The following HERC1 variants were observed in gnomAD, a reference collection of about 807,000 sequenced individuals.
The protein encoded by HERC1 is probable E3 ubiquitin-protein ligase HERC1.
A neutral mutation model predicts 554.3 loss-of-function variants in HERC1; 160 were observed. The ratio of observed to expected loss-of-function variants is 0.29; its 90% CI spans 0.25 to 0.33. The LOEUF (loss-of-function observed/expected upper bound fraction) is 0.33, where lower values mean the gene tolerates loss of function less well. Among genes scored for constraint, HERC1 ranks in the 10% least tolerant of loss-of-function variants. HERC1 has a pLI of 1.00. For synonymous variants in HERC1, 2,175 were observed against 2,131.7 expected (o/e 1.02, Z -0.56); for missense variants, 4,919 against 5,918.5 (o/e 0.83, Z 5.54).
chr15:63,679,958 T>G (rs1256821719), intron 36 of HERC1, 119 bp downstream of exon 36: 1 of 580,944 alleles, frequency 1.7e-6, no homozygotes, highest in African/African-American at 1.9e-5. Flanking sequence ...GAAGAATGGA[T>G]TACCTAAGTC....
chr15:63,614,568 G>A (rs936615700), intron 76 of HERC1, among the ~76,000 whole-genome samples: 1 of 152,196 alleles, frequency 6.6e-6, no homozygotes, highest in Non-Finnish European at 1.5e-5. Context: ...CTAAGAAGGA[G>A]CTGGGAGTGA....
In HERC1 at chr15:63,641,497, C is replaced by A. The variant is rs1398233215; in HGVS notation, c.11580G>T (p.Met3860Ile). 1.9e-6 allele frequency: 3 copies of A among 1,613,024 alleles called. No homozygotes were observed. The African/African-American group carries it at 4.0e-5, about 22-fold the overall frequency. Residue 3860 changes from methionine (M) to isoleucine (I), a missense_variant, in exon 60 of 78, where the codon ATG becomes ATT. Met to Ile is a conservative substitution (Grantham distance 10). This residue lies in a region of HERC1 where 1,963 missense variants were observed against 2,228.6 expected (regional missense o/e 0.88). Coordinates refer to ENST00000443617, the MANE Select transcript of HERC1 (RefSeq NM_003922.4). Reference protein sequence around the residue: ...MRAFLERLPMMLQEQYAYEKP... With the variant: ...MRAFLERLPMILQEQYAYEKP... ...TTTCATAGGCATACTGCTCCTGAAG[C>A]ATCATGGGGAGCCGCTCCAAAAATG...
chr15:63,672,443 C>T (rs2152971148), intron 39 of HERC1, 53 bp downstream of exon 39: 2 of 1,309,674 alleles, frequency 1.5e-6, no homozygotes, highest in Non-Finnish European at 2.1e-6. Context: ...GACAACTGTG[C>T]CTTCAGAAAC....
At chr15:63,636,602 C>G (rs186139111) in intron 64 of HERC1, among the ~76,000 whole-genome samples, 2 of 152,150 alleles carry the variant, frequency 1.3e-5, no homozygotes, top group African/African-American at 4.8e-5. Context: ...GAATTTGTAG[C>G]CATAACCTAG....
intron 1 of HERC1, among the ~76,000 whole-genome samples, chr15:63,811,803 C>A (rs1300211265): frequency 8.0e-6 from 1 of 124,932 alleles, no homozygotes. Context: ...AGTGAGACTC[C>A]GTCTCCAAAA....
chr15:63,753,787 A>G (rs1186643321), intron 7 of HERC1, among the ~76,000 whole-genome samples: 1 of 152,182 alleles, frequency 6.6e-6, no homozygotes, highest in Non-Finnish European at 1.5e-5. Flanking sequence ...ACTCAACAAT[A>G]AGAAACTGGT....
At position 63,824,312 on chromosome 15, in the gene HERC1, T is replaced by C. The variant is rs2077808882; in HGVS notation, c.-27+9515A>G. On this transcript the variant is annotated intron_variant, in intron 1 of 77. Transcript: ENST00000443617. ...ACTTTGGGAGGCCGAGGTGGGCAGA[T>C]CACAAGGTCAGGAGATGGAGACCAT... 2.0e-5 allele frequency among the ~76,000 whole-genome samples: 3 copies of C among 152,012 alleles called. No individual in the cohort carries two copies. The East Asian group carries it at 5.8e-4, about 29-fold the overall frequency.
chr15:63,718,217 G>T lies in HERC1; in HGVS notation c.3978+357C>A, dbSNP rs979988478. 1.3e-5 allele frequency among the ~76,000 whole-genome samples: 2 copies of T among 151,660 alleles called. No homozygotes were observed. Among genetic ancestry groups the T allele is most frequent in the African/African-American group, 2.4e-5 (1 of 41,222 alleles). On this transcript the variant is annotated intron_variant, in intron 21 of 77. Transcript: ENST00000443617. The surrounding 1 kb of genome is among the most constrained non-coding windows in gnomAD (Gnocchi z 4.2). Reference sequence around the variant, plus strand: ...AATTTTTGGACTTTATCAATCCAAGGTATTGCTTAATGTCCCTCATAAATT... The same window carrying T: ...AATTTTTGGACTTTATCAATCCAAGTTATTGCTTAATGTCCCTCATAAATT...
chr15:63,763,971 G>GT (rs1253691096), intron 3 of HERC1, 125 bp downstream of exon 3: 3 of 454,090 alleles, frequency 6.6e-6, no homozygotes, highest in Non-Finnish European at 1.2e-5. Flanking sequence ...CTCTCTAGAG[G>GT]TAACAACTGG....
At chr15:63,725,916 T>C (rs1214376367) in intron 17 of HERC1, among the ~76,000 whole-genome samples, 3 of 152,138 alleles carry the variant, frequency 2.0e-5, no homozygotes, top group Non-Finnish European at 4.4e-5. Context: ...TTAATGCTTT[T>C]TAAGGCCTGA....
Position 63,645,489 on chromosome 15 carries a change from A to G in HERC1, c.11072T>C (p.Met3691Thr), listed in dbSNP as rs370357109. ...PGKGSKLQLL[M>T]ATGCQSGLVC... Reference sequence around the variant, plus strand: ...ATGCAAATTGACAACATACGTAGCCATCAGTAACTGCAACTTGGATCCTTT... The same window carrying G: ...ATGCAAATTGACAACATACGTAGCCGTCAGTAACTGCAACTTGGATCCTTT... The change falls in exon 56 of 78, where the codon ATG becomes ACG. Residue 3691 changes from methionine to threonine, a missense_variant. Met to Thr is a moderately conservative substitution (Grantham distance 81, BLOSUM62 -1). Around this residue, in one of 11 missense-constraint regions of HERC1, gnomAD observed 1,963 missense variants for 2,228.6 expected, o/e 0.88. Coordinates refer to ENST00000443617, the MANE Select transcript of HERC1 (RefSeq NM_003922.4). 11 of 1,610,258 alleles carry G rather than the reference A, an allele frequency of 6.8e-6. No individual in the cohort carries two copies. The African/African-American group carries it at 1.3e-4, about 20-fold the overall frequency.
intron 1 of HERC1, among the ~76,000 whole-genome samples, chr15:63,824,436 A>T: frequency 6.6e-6 from 1 of 151,680 alleles, no homozygotes; most frequent in Non-Finnish European, 1.5e-5. Context: ...TAGGAGGCCA[A>T]GGCAGGAGAA....
At chr15:63,662,348 T>G (rs1256421397) in intron 44 of HERC1, among the ~76,000 whole-genome samples, 1 of 152,184 alleles carries the variant, frequency 6.6e-6, no homozygotes, top group Non-Finnish European at 1.5e-5. Context: ...AAAGAACTAA[T>G]TTTCATCTGG....
chr15:63,679,982 G>T, intron 36 of HERC1, 95 bp downstream of exon 36: 2 of 804,320 alleles, frequency 2.5e-6, no homozygotes, highest in Non-Finnish European at 1.9e-6. Context: ...TACTTTTAAT[G>T]GCAGAAGAAA....
At chr15:63,816,152 A>G (rs1260800116) in intron 1 of HERC1, among the ~76,000 whole-genome samples, 1 of 152,230 alleles carries the variant, frequency 6.6e-6, no homozygotes, top group Non-Finnish European at 1.5e-5. Flanking sequence ...AGATGTTATA[A>G]GGAGGAAAAA....
intron 68 of HERC1, among the ~76,000 whole-genome samples, chr15:63,631,833 G>A (rs1428964035): frequency 6.6e-6 from 1 of 152,136 alleles, no homozygotes; most frequent in African/African-American, 2.4e-5. Flanking sequence ...GAGCCACGGC[G>A]CCCGGCCCTC....
intron 40 of HERC1, among the ~76,000 whole-genome samples, chr15:63,669,220 A>G (rs1293801188): frequency 6.6e-6 from 1 of 152,282 alleles, no homozygotes; most frequent in Non-Finnish European, 1.5e-5. Context: ...AATGAAAATG[A>G]AAACACAGCA....
chr15:63,625,050 A>T (rs2068240979), intron 71 of HERC1, among the ~76,000 whole-genome samples: 1 of 152,176 alleles, frequency 6.6e-6, no homozygotes, highest in Admixed American at 6.5e-5. Context: ...ACAGTTTGCT[A>T]ACACTCTGTT....
At chr15:63,819,751 AGCCAAAACTATGTCATTGAG>A (rs1330665455) in intron 1 of HERC1, among the ~76,000 whole-genome samples, 3 of 152,164 alleles carry the variant, frequency 2.0e-5, no homozygotes, top group Non-Finnish European at 2.9e-5. Context: ...GTTTTCTATC[AGCCAAAACTATGTCATTGAG>A]GCTGGCCATG....
Sources: gnomAD v4.1 joint callset for allele counts (sites outside exome capture counted in the v4.1 genomes callset) on GRCh38, gnomAD v4.1.1 for gene constraint, gnomAD v4.1.1 regional missense constraint, Gnocchi (gnomAD v3.1) non-coding constraint, MANE v1.5 for transcripts, NCBI Gene and HGNC (gene_info 2026-07-23, HGNC 2026-07-21) for gene names.